Variants in SLC19A2 observed in about 807,000 individuals in gnomAD.
SLC19A2 encodes the protein thiamine transporter 1.
Under a neutral mutation model 44.7 loss-of-function variants are expected in SLC19A2, and 27 were observed. That is an observed-to-expected ratio of 0.60 (90% CI 0.45 to 0.83). The LOEUF (loss-of-function observed/expected upper bound fraction) is 0.83. Among genes scored for constraint, SLC19A2 ranks in the 40% least tolerant of loss-of-function variants. The probability of loss-of-function intolerance (pLI) is 0.00; values close to 1 mark genes in which losing one functional copy is unlikely to be tolerated. For missense variants in SLC19A2, 566 were observed against 613.7 expected, an observed-to-expected ratio of 0.92 and a Z score of 0.82; for synonymous variants, 239 against 243.6, an observed-to-expected ratio of 0.98 and a Z score of 0.18.
chr1:169,485,914 G>C lies in SLC19A2; in HGVS notation c.-148C>G, dbSNP rs967219155. 21 of 954,208 alleles carry C rather than the reference G, an allele frequency of 2.2e-5. No individual in the cohort carries two copies. Among genetic ancestry groups the C allele is most frequent in the Non-Finnish European group, 2.7e-5 (18 of 659,836 alleles). The allele number at this position is 954,208 out of a possible 1,614,324, so 59.1% of individuals were successfully genotyped here. A position where few individuals can be genotyped will look rare whatever the true frequency, so the allele number is the denominator to read the frequency against. On this transcript the variant is annotated 5_prime_UTR_variant, in exon 1 of 6. Transcript: ENST00000236137. ...GGACTCGCCGCCGCCTCCGGCTACA[G>C]AACCCCCAGCTTTACCCTACAGACG...
At chr1:169,472,536 A>AT (rs1263014237) in intron 2 of SLC19A2, among the ~76,000 whole-genome samples, 1 of 152,210 alleles carries the variant, frequency 6.6e-6, no homozygotes, top group Non-Finnish European at 1.5e-5. Flanking sequence ...TAATGTATAT[A>AT]TTTATTATAG....
intron 1 of SLC19A2, among the ~76,000 whole-genome samples, chr1:169,482,194 T>G (rs1658457912): frequency 7.0e-6 from 1 of 142,880 alleles, no homozygotes; most frequent in African/African-American, 2.6e-5. Flanking sequence ...AGAGCGAAAC[T>G]CCATCTCAAA....
rs187855862 is a variant in SLC19A2, at chr1:169,482,134, G to A, written c.204+3429C>T. Among the ~76,000 whole-genome samples the A allele has an allele frequency of 2.0e-5, 3 of 152,208 alleles. No individual in the cohort carries two copies. In the East Asian group the frequency reaches 5.8e-4, roughly 29 times the overall value. ...GAGAATCACTTGAATCTGGGAGGCA[G>A]AGATTGCAGTGAGCCGAGATCACGC... On this transcript the variant is annotated intron_variant, in intron 1 of 5. Coordinates refer to ENST00000236137, the MANE Select transcript of SLC19A2 (RefSeq NM_006996.3).
At position 169,477,374 on chromosome 1, in the gene SLC19A2, G is replaced by T; in HGVS notation, c.588C>A (p.Thr196=). ...SLFSLNVISL[T]CVSVAFAVAW... Reference sequence around the variant, plus strand: ...CCACAGCAAAAGCCACTGAAACACAGGTAAGAGAGATGACATTCAGGCTGA... The same window carrying T: ...CCACAGCAAAAGCCACTGAAACACATGTAAGAGAGATGACATTCAGGCTGA... Residue 196 remains threonine (T), a synonymous_variant, in exon 2 of 6, where the codon ACC becomes ACA. Transcript: ENST00000236137. The T allele has an allele frequency of 6.2e-7, 1 of 1,614,176 alleles. No individual in the cohort carries two copies.
chr1:169,483,537 G>A (rs1393195075), intron 1 of SLC19A2, among the ~76,000 whole-genome samples: 1 of 152,158 alleles, frequency 6.6e-6, no homozygotes, highest in East Asian at 1.9e-4. Flanking sequence ...TTTGCAATAA[G>A]AGAAGTACAC....
In SLC19A2 at chr1:169,477,876, C is replaced by A. The variant is rs1316580046; in HGVS notation, c.205-119G>T. 4 of 1,007,948 alleles carry A rather than the reference C, an allele frequency of 4.0e-6. No homozygotes were observed. The African/African-American group carries it at 6.6e-5, about 17-fold the overall frequency. 62.4% of individuals were successfully genotyped at this position (1,007,948 alleles called of 1,614,324 possible). On this transcript the variant is annotated intron_variant, in intron 1 of 5. Coordinates refer to ENST00000236137, the MANE Select transcript of SLC19A2 (RefSeq NM_006996.3). ...AATACCTCAAAGATCTCAACCTTGA[C>A]AACAGCAGTTCAGATAACTTTGAAA...
intron 2 of SLC19A2, among the ~76,000 whole-genome samples, chr1:169,475,568 G>T (rs1031853447): frequency 6.6e-6 from 1 of 152,044 alleles, no homozygotes; most frequent in African/African-American, 2.4e-5. Flanking sequence ...AGATAAAGAA[G>T]TGTCTTTATT....
At chr1:169,475,450 A>G (rs1048303754) in intron 2 of SLC19A2, among the ~76,000 whole-genome samples, 5 of 152,106 alleles carry the variant, frequency 3.3e-5, no homozygotes, top group Non-Finnish European at 7.3e-5. Flanking sequence ...TGTCTATAAA[A>G]ATCTTTAGAA....
chr1:169,478,523 ATTTTTTTTTTTTTTTT>A (rs35141285), intron 1 of SLC19A2, among the ~76,000 whole-genome samples: 1 of 66,608 alleles, frequency 1.5e-5, no homozygotes, highest in Admixed American at 2.3e-4. Flanking sequence ...CAACCAGCTA[ATTTTTTTTTTTTTTTT>A]TTTTTTTTTT....
At position 169,465,916 on chromosome 1, in the gene SLC19A2, A is replaced by C. The variant is rs1657976153; in HGVS notation, c.1427T>G (p.Val476Gly). The change falls in exon 6 of 6, where the codon GTC becomes GGC. Residue 476 changes from valine (V) to glycine (G), a missense_variant. Val to Gly is a moderately radical substitution (Grantham distance 109, BLOSUM62 -3). Coordinates refer to ENST00000236137, the MANE Select transcript of SLC19A2 (RefSeq NM_006996.3). ...CTTTCTACATTTCTTCATAACACTG[A>C]CTGCACCACTGGCCAGGAAAACCAC... Reference protein sequence around the residue: ...IAVVFLASGAVSVMKKCRKLE... With the variant: ...IAVVFLASGAGSVMKKCRKLE... The C allele has an allele frequency of 6.2e-7, 1 of 1,614,104 alleles. No individual in the cohort carries two copies. The highest frequency in any genetic ancestry group is 8.5e-7 in the Non-Finnish European group (1 of 1,179,932).
At position 169,477,281 on chromosome 1, in the gene SLC19A2, C is replaced by T. The variant is rs1658344898; in HGVS notation, c.681G>A (p.Val227=). The change falls in exon 2 of 6, where the codon GTG becomes GTA. Residue 227 remains valine, a synonymous_variant. Coordinates refer to ENST00000236137, the MANE Select transcript of SLC19A2 (RefSeq NM_006996.3). The part of the protein sequence containing the change: ...FHHIPSTCQR[V]NGIKVQNGGI... ...CACCATTTTGTACCTTGATGCCATT[C>T]ACTCTCTGGCAGGTAGAAGGAATGT... 1 of 1,614,166 alleles carries T rather than the reference C, an allele frequency of 6.2e-7. No individual in the cohort carries two copies. The highest frequency in any genetic ancestry group is 1.1e-5 in the South Asian group (1 of 91,074).
At chr1:169,477,890 A>G in intron 1 of SLC19A2, 133 bp from the exon 2 acceptor site, 1 of 920,536 alleles carries the variant, frequency 1.1e-6, no homozygotes, top group East Asian at 2.6e-5. Context: ...AGCAGTTCAG[A>G]TAACTTTGAA....
intron 5 of SLC19A2, 75 bp downstream of exon 5, chr1:169,468,036 A>G: frequency 6.8e-7 from 1 of 1,480,442 alleles, no homozygotes; most frequent in Non-Finnish European, 9.4e-7. Context: ...ATTTGTTTTC[A>G]TTAAGCATAC....
Position 169,477,694 on chromosome 1 carries a change from G to C in SLC19A2, c.268C>G (p.Leu90Val). 1 of 1,613,528 alleles carries C rather than the reference G, an allele frequency of 6.2e-7. No individual in the cohort carries two copies. The highest frequency in any genetic ancestry group is 8.5e-7 in the Non-Finnish European group (1 of 1,179,898). The change falls in exon 2 of 6, where the codon CTT (leucine) becomes GTT (valine). Residue 90 changes from leucine (L) to valine (V), a missense_variant. Physicochemically the swap from Leu to Val is conservative, Grantham distance 32. Transcript: ENST00000236137. Reference protein sequence around the residue: ...SYLVLLFPVFLATDYLRYKPV... With the variant: ...SYLVLLFPVFVATDYLRYKPV... ...TTATAACGGAGGTAGTCTGTGGCAAGGAACACAGGAAACAGTAGCACCAGG... is the reference window on the plus strand; with the variant it reads ...TTATAACGGAGGTAGTCTGTGGCAACGAACACAGGAAACAGTAGCACCAGG...
chr1:169,485,957 T>G, upstream of SLC19A2: 1 of 668,868 alleles, frequency 1.5e-6, no homozygotes, highest in Non-Finnish European at 2.5e-6. Context: ...GGTCGCTGCC[T>G]GATCGCCCAG....
At chr1:169,471,627 T>C (rs971345508) in intron 2 of SLC19A2, among the ~76,000 whole-genome samples, 5 of 148,930 alleles carry the variant, frequency 3.4e-5, no homozygotes, top group Admixed American at 1.3e-4. Flanking sequence ...ATCACGCCAC[T>C]GCACTCCAGC....
Position 169,472,562 on chromosome 1 carries a change from G to A in SLC19A2, c.808-2376C>T, listed in dbSNP as rs866495281. Among the ~76,000 whole-genome samples the A allele has an allele frequency of 6.6e-5, 10 of 152,244 alleles. No homozygotes were observed. The South Asian group carries it at 8.3e-4, about 13-fold the overall frequency. ...TTTATTATAGAGGGGCTCAATTAGT[G>A]TTATTTTTATTGCATAGCTTAAAAA... On this transcript the variant is annotated intron_variant, in intron 2 of 5. Coordinates refer to ENST00000236137, the MANE Select transcript of SLC19A2 (RefSeq NM_006996.3).
intron 1 of SLC19A2, among the ~76,000 whole-genome samples, chr1:169,483,353 T>G (rs2101785721): frequency 6.6e-6 from 1 of 152,322 alleles, no homozygotes; most frequent in East Asian, 1.9e-4. Context: ...AAGCATTCAG[T>G]AAGTAATGAA....
intron 1 of SLC19A2, 105 bp from the exon 2 acceptor site, chr1:169,477,862 G>T: frequency 8.6e-7 from 1 of 1,156,676 alleles, no homozygotes; most frequent in Non-Finnish European, 1.2e-6. Context: ...ATACCTCAAA[G>T]ATCTCAACCT....
Sources: gnomAD v4.1 joint callset for allele counts (sites outside exome capture counted in the v4.1 genomes callset) on GRCh38, gnomAD v4.1.1 for gene constraint, MANE v1.5 for transcripts, NCBI Gene and HGNC (gene_info 2026-07-23, HGNC 2026-07-21) for gene names.